The following CHST8 variants were observed in gnomAD, a reference collection of about 807,000 sequenced individuals.
The protein encoded by CHST8 is GALNAC-4-ST1.
A neutral mutation model predicts 15.0 loss-of-function variants in CHST8; 10 were observed. That is an observed-to-expected ratio of 0.67 (90% CI 0.41 to 1.13). CHST8 has a LOEUF of 1.13. CHST8 is among the 50% of genes most tolerant of loss of function. The probability of loss-of-function intolerance (pLI) is 0.00; values close to 1 mark genes in which losing one functional copy is unlikely to be tolerated. For synonymous variants in CHST8, 259 were observed against 256.6 expected, an observed-to-expected ratio of 1.01 and a Z score of -0.09; for missense variants, 634 against 608.2, an observed-to-expected ratio of 1.04 and a Z score of -0.45.
intron 3 of CHST8, among the ~76,000 whole-genome samples, chr19:33,698,799 T>A (rs908814606): frequency 6.6e-6 from 1 of 152,028 alleles, no homozygotes; most frequent in Non-Finnish European, 1.5e-5. Flanking sequence ...CCCCACAGAA[T>A]GAAGGACCAG....
At chr19:33,690,313 G>C (rs1973076623) in intron 3 of CHST8, among the ~76,000 whole-genome samples, 1 of 152,194 alleles carries the variant, frequency 6.6e-6, no homozygotes, top group South Asian at 2.1e-4. Context: ...CCAGAGACAG[G>C]ATGAAAGAGA....
chr19:33,676,604 G>A (rs1026236020), intron 2 of CHST8, among the ~76,000 whole-genome samples: 7 of 152,136 alleles, frequency 4.6e-5, no homozygotes, highest in Admixed American at 3.9e-4. Context: ...GCCCCGGTGT[G>A]ATGGCTTACG....
chr19:33,733,312 A>C (rs185071995), intron 3 of CHST8, among the ~76,000 whole-genome samples: 2 of 147,716 alleles, frequency 1.4e-5, no homozygotes, highest in East Asian at 4.0e-4. Context: ...TGGCTCACTG[A>C]AACCTCCACC....
intron 3 of CHST8, among the ~76,000 whole-genome samples, chr19:33,743,554 G>A (rs1221492241): frequency 6.6e-6 from 1 of 151,952 alleles, no homozygotes. Context: ...GCCCACCTCG[G>A]CCTCCCAAAG....
intron 3 of CHST8, among the ~76,000 whole-genome samples, chr19:33,693,495 A>T (rs1973140313): frequency 6.6e-6 from 1 of 152,306 alleles, no homozygotes; most frequent in African/African-American, 2.4e-5. Flanking sequence ...TCCATCCAAT[A>T]TCCAGAAAAG....
At chr19:33,645,322 T>A (rs1022000804) in intron 1 of CHST8, among the ~76,000 whole-genome samples, 1 of 152,246 alleles carries the variant, frequency 6.6e-6, no homozygotes, top group South Asian at 2.1e-4. Flanking sequence ...TGGGGAGCAA[T>A]GGCAGGGTTT....
At chr19:33,641,550 G>A (rs138203524) in intron 1 of CHST8, among the ~76,000 whole-genome samples, 1 of 152,338 alleles carries the variant, frequency 6.6e-6, no homozygotes, top group Non-Finnish European at 1.5e-5. Flanking sequence ...ACACCGGCTG[G>A]GGATTGGTGG....
intron 1 of CHST8, among the ~76,000 whole-genome samples, chr19:33,647,742 A>G (rs1198621676): frequency 6.6e-6 from 1 of 152,038 alleles, no homozygotes; most frequent in East Asian, 1.9e-4. Flanking sequence ...GCTACTAGGG[A>G]GGCTGAGGCA....
intron 1 of CHST8, among the ~76,000 whole-genome samples, chr19:33,633,494 C>G (rs910053341): frequency 2.6e-5 from 4 of 151,698 alleles, no homozygotes; most frequent in African/African-American, 7.3e-5. Flanking sequence ...TGGGCTCATG[C>G]CAGCCTCCCG....
At chr19:33,757,356 G>T (rs1474668304) in intron 3 of CHST8, among the ~76,000 whole-genome samples, 1 of 146,348 alleles carries the variant, frequency 6.8e-6, no homozygotes, top group Non-Finnish European at 1.5e-5. Flanking sequence ...CTCCAGCCTG[G>T]GCAACAGAGT....
At chr19:33,680,131 G>A (rs376386146) in intron 2 of CHST8, among the ~76,000 whole-genome samples, 5 of 152,104 alleles carry the variant, frequency 3.3e-5, no homozygotes, top group South Asian at 2.1e-4. Flanking sequence ...ACTCCATCTC[G>A]GTATCTCCTT....
intron 3 of CHST8, among the ~76,000 whole-genome samples, chr19:33,705,227 TGAA>T (rs1568335959): frequency 6.6e-6 from 1 of 152,114 alleles, no homozygotes; most frequent in African/African-American, 2.4e-5. Flanking sequence ...AGGACCCCCA[TGAA>T]GCCAGACCCC....
intron 1 of CHST8, among the ~76,000 whole-genome samples, chr19:33,632,595 T>C (rs1226968620): frequency 6.6e-6 from 1 of 152,184 alleles, no homozygotes; most frequent in Non-Finnish European, 1.5e-5. Flanking sequence ...ATGCAGTGAA[T>C]GTCTGCAAAC....
chr19:33,769,807 T>C (rs978609623), intron 3 of CHST8, among the ~76,000 whole-genome samples: 1 of 152,094 alleles, frequency 6.6e-6, no homozygotes, highest in Non-Finnish European at 1.5e-5. Context: ...ATCCCCCACA[T>C]GCACGCATGT....
intron 3 of CHST8, among the ~76,000 whole-genome samples, chr19:33,705,910 A>G (rs1973437004): frequency 6.6e-6 from 1 of 152,220 alleles, no homozygotes. Context: ...GGTATGGGCA[A>G]TGATGATGGT....
intron 3 of CHST8, among the ~76,000 whole-genome samples, chr19:33,694,594 T>G (rs950119043): frequency 2.0e-5 from 3 of 152,170 alleles, no homozygotes; most frequent in African/African-American, 7.2e-5. Context: ...AACTTTACTT[T>G]TTTGAGACAG....
chr19:33,650,506 TC>T (rs139375952), intron 1 of CHST8, among the ~76,000 whole-genome samples: 11 of 118,768 alleles, frequency 9.3e-5, no homozygotes, highest in African/African-American at 2.8e-4. Context: ...TTTTTCTTTT[TC>T]TTTTTCTTTT....
At chr19:33,770,496 C>T (rs983101076) in intron 3 of CHST8, among the ~76,000 whole-genome samples, 6 of 152,170 alleles carry the variant, frequency 3.9e-5, no homozygotes, top group Middle Eastern at 3.2e-3. Flanking sequence ...TAAATAGATT[C>T]CCCCCAAAGG....
At chr19:33,652,599 C>A (rs1014421679) in intron 1 of CHST8, among the ~76,000 whole-genome samples, 2 of 152,078 alleles carry the variant, frequency 1.3e-5, no homozygotes, top group African/African-American at 4.8e-5. Flanking sequence ...TGGTCTCGAA[C>A]TTCTGACCTC....
Sources: allele counts gnomAD v4.1 joint callset (sites outside exome capture counted in the v4.1 genomes callset), GRCh38; gene constraint gnomAD v4.1.1; transcripts MANE v1.5; gene names NCBI Gene and HGNC (gene_info 2026-07-23, HGNC 2026-07-21).